P2RX3: variants seen among roughly 807,000 people sequenced by gnomAD.
The protein encoded by P2RX3 is P2X purinoceptor 3.
A neutral mutation model predicts 51.5 loss-of-function variants in P2RX3; 41 were observed. The ratio of observed to expected loss-of-function variants is 0.80; its 90% CI spans 0.62 to 1.03. The LOEUF is 1.03. Ranked by LOEUF, P2RX3 falls within the 50% of genes least tolerant of loss-of-function variation. The pLI is 0.00. For missense variants in P2RX3, 459 were observed against 522.1 expected, an observed-to-expected ratio of 0.88 and a Z score of 1.18; for synonymous variants, 185 against 191.6, an observed-to-expected ratio of 0.97 and a Z score of 0.29.
chr11:57,358,991 G>A (rs966363123), intron 8 of P2RX3, among the ~76,000 whole-genome samples: 1 of 152,132 alleles, frequency 6.6e-6, no homozygotes, highest in South Asian at 2.1e-4. Flanking sequence ...CACAGCTAGG[G>A]GTGTCTCAGT....
At chr11:57,367,613 C>T (rs150785088) in intron 8 of P2RX3, among the ~76,000 whole-genome samples, 1,682 of 152,168 alleles carry the variant, frequency 0.011, 35 homozygotes, top group African/African-American at 0.038. Flanking sequence ...CCCAGCTACT[C>T]GGGAAGCTGA....
At chr11:57,340,122 CA>C (rs1486694973) in intron 1 of P2RX3, among the ~76,000 whole-genome samples, 1 of 152,184 alleles carries the variant, frequency 6.6e-6, no homozygotes, top group Admixed American at 6.5e-5. Flanking sequence ...GTTCTGTGTT[CA>C]CGTGTATATT....
In P2RX3 at chr11:57,370,877, G is replaced by T. The variant is rs1326179314; in HGVS notation, c.*880G>T. Among the ~76,000 whole-genome samples the T allele has an allele frequency of 2.0e-5, 3 of 152,184 alleles. No homozygotes were observed. Among genetic ancestry groups the T allele is most frequent in the Non-Finnish European group, 4.4e-5 (3 of 68,040 alleles). ...GGATCCTGTCGTAGGCTGGGACCCT[G>T]TTCCAGGAGTTCAGCAGTCCTCATT... is the stretch of plus-strand genomic sequence containing the variant. On this transcript the variant is annotated 3_prime_UTR_variant, in exon 12 of 12. Coordinates refer to ENST00000263314, the MANE Select transcript of P2RX3 (RefSeq NM_002559.5).
intron 8 of P2RX3, among the ~76,000 whole-genome samples, chr11:57,365,878 A>G (rs564551689): frequency 6.6e-6 from 1 of 152,300 alleles, no homozygotes; most frequent in Admixed American, 6.5e-5. Context: ...GGGGCTGAGC[A>G]TTTCCTTCTC....
At chr11:57,345,737 G>C (rs34555300) in intron 1 of P2RX3, among the ~76,000 whole-genome samples, 7,467 of 152,168 alleles carry the variant, frequency 0.049, 205 homozygotes, top group African/African-American at 0.07. Context: ...GGAAGATAGG[G>C]ATGGAAAAAG....
intron 8 of P2RX3, among the ~76,000 whole-genome samples, chr11:57,361,096 G>A (rs906410710): frequency 2.0e-5 from 3 of 152,208 alleles, no homozygotes; most frequent in Non-Finnish European, 4.4e-5. Context: ...GCTGGGATGT[G>A]TGGACCCAGC....
At chr11:57,340,197 T>A (rs192152429) in intron 1 of P2RX3, among the ~76,000 whole-genome samples, 1 of 152,196 alleles carries the variant, frequency 6.6e-6, no homozygotes, top group Admixed American at 6.5e-5. Context: ...AAAATCTGGC[T>A]CAGCACATTC....
chr11:57,346,766 G>A, intron 2 of P2RX3, 87 bp downstream of exon 2: 2 of 1,526,528 alleles, frequency 1.3e-6, no homozygotes, highest in African/African-American at 2.7e-5. Context: ...GTGCCAATGG[G>A]ATTCCCAAAC....
intron 1 of P2RX3, among the ~76,000 whole-genome samples, chr11:57,345,894 G>C (rs1434079627): frequency 1.1e-5 from 1 of 92,910 alleles, no homozygotes. Flanking sequence ...ACCTTCAACC[G>C]AGCTCCTTTA....
At chr11:57,338,144 G>A (rs1258032087), upstream of P2RX3, among the ~76,000 whole-genome samples, 1 of 152,234 alleles carries the variant, frequency 6.6e-6, no homozygotes, top group Non-Finnish European at 1.5e-5. Context: ...GAGAGTGTGA[G>A]CAGCTGGTGA....
chr11:57,353,803 C>T (rs1446792536), intron 8 of P2RX3, among the ~76,000 whole-genome samples: 1 of 150,976 alleles, frequency 6.6e-6, no homozygotes, highest in Non-Finnish European at 1.5e-5. Context: ...ATTTCCATCA[C>T]TAATTACATT....
At chr11:57,349,652 G>A in intron 6 of P2RX3, 105 bp from the exon 7 acceptor site, 2 of 1,412,254 alleles carry the variant, frequency 1.4e-6, no homozygotes, top group African/African-American at 2.8e-5. Flanking sequence ...TGAAGGCTGA[G>A]GGCTCAGATC....
intron 8 of P2RX3, 40 bp downstream of exon 8, chr11:57,350,938 C>G (rs376638991): frequency 1.2e-6 from 2 of 1,613,262 alleles, no homozygotes; most frequent in African/African-American, 2.7e-5. Context: ...GAAGAAGGTG[C>G]GGGCTGTTAA....
upstream of P2RX3, among the ~76,000 whole-genome samples, chr11:57,337,010 G>A (rs761617927): frequency 1.9e-4 from 29 of 152,182 alleles, no homozygotes; most frequent in Non-Finnish European, 2.9e-4. Context: ...AAACATCCCC[G>A]GCCAGGCACG....
chr11:57,352,848 C>T (rs1590631012), intron 8 of P2RX3, among the ~76,000 whole-genome samples: 2 of 152,086 alleles, frequency 1.3e-5, no homozygotes, highest in South Asian at 4.1e-4. Flanking sequence ...AGAAACCACC[C>T]CCTCTTAGGA....
chr11:57,365,172 G>A (rs1235908894), intron 8 of P2RX3, among the ~76,000 whole-genome samples: 1 of 152,210 alleles, frequency 6.6e-6, no homozygotes, highest in Non-Finnish European at 1.5e-5. Context: ...TCTGTAAAGT[G>A]GGAGTGGTCA....
intron 8 of P2RX3, among the ~76,000 whole-genome samples, chr11:57,357,480 A>T (rs939319765): frequency 1.1e-4 from 16 of 152,224 alleles, no homozygotes; most frequent in Non-Finnish European, 1.3e-4. Context: ...AACCACAAGT[A>T]GGACCAGTAT....
intron 3 of P2RX3, 49 bp downstream of exon 3, chr11:57,347,236 T>C (rs1421042110): frequency 6.3e-7 from 1 of 1,593,052 alleles, no homozygotes; most frequent in Non-Finnish European, 8.6e-7. Context: ...CTGAAAATGT[T>C]GGTGGGAGTG....
At chr11:57,369,001 G>A (rs988925526) in intron 10 of P2RX3, among the ~76,000 whole-genome samples, 2 of 152,028 alleles carry the variant, frequency 1.3e-5, no homozygotes, top group South Asian at 2.1e-4. Flanking sequence ...ATGCTAGCTC[G>A]GATCTCTCTT....
Sources: gnomAD v4.1 joint callset for allele counts (sites outside exome capture counted in the v4.1 genomes callset) on GRCh38, gnomAD v4.1.1 for gene constraint, MANE v1.5 for transcripts, NCBI Gene and HGNC (gene_info 2026-07-23, HGNC 2026-07-21) for gene names.